Variants in GAB1 observed in about 807,000 individuals in gnomAD.
GAB1 encodes the protein GRB2 associated binding protein 1.
A neutral mutation model predicts 66.5 loss-of-function variants in GAB1; 19 were observed. The ratio of observed to expected loss-of-function variants is 0.29; its 90% CI spans 0.20 to 0.42. The LOEUF (loss-of-function observed/expected upper bound fraction) is 0.42, where lower values mean the gene tolerates loss of function less well. Among genes scored for constraint, GAB1 ranks in the 10% least tolerant of loss-of-function variants. The probability of loss-of-function intolerance (pLI) is 1.00; values close to 1 mark genes in which losing one functional copy is unlikely to be tolerated. For missense variants in GAB1, 732 were observed against 858.5 expected, an observed-to-expected ratio of 0.85 and a Z score of 1.84; for synonymous variants, 294 against 301.4, an observed-to-expected ratio of 0.98 and a Z score of 0.25.
chr4:143,402,762 A>T lies in GAB1; in HGVS notation c.73-12715A>T, dbSNP rs533147740. Reference sequence around the variant, plus strand: ...TGTAAAGTAAAATACTGAAATGTGAAATTCTGTGGTGAAATGTGGGATGTC... The same window carrying T: ...TGTAAAGTAAAATACTGAAATGTGATATTCTGTGGTGAAATGTGGGATGTC... On this transcript the variant is annotated intron_variant, in intron 1 of 9. Coordinates refer to ENST00000262994, the MANE Select transcript of GAB1 (RefSeq NM_002039.4). Among the ~76,000 whole-genome samples the T allele has an allele frequency of 1.1e-4, 16 of 152,348 alleles. No individual in the cohort carries two copies. The South Asian group carries it at 2.9e-3, about 28-fold the overall frequency.
At chr4:143,366,729 ATAT>A (rs1729895473) in intron 1 of GAB1, among the ~76,000 whole-genome samples, 1 of 152,064 alleles carries the variant, frequency 6.6e-6, no homozygotes, top group South Asian at 2.1e-4. Context: ...ACTACACTAA[ATAT>A]TATTATTTTG....
At chr4:143,385,405 A>G (rs1252382497) in intron 1 of GAB1, among the ~76,000 whole-genome samples, 1 of 152,248 alleles carries the variant, frequency 6.6e-6, no homozygotes, top group African/African-American at 2.4e-5. Context: ...CGAATATGCA[A>G]ATCTTTATGA....
Position 143,337,133 on chromosome 4 carries a change from G to C in GAB1, c.-56G>C, listed in dbSNP as rs1031959091. The C allele has an allele frequency of 6.7e-6, 10 of 1,491,762 alleles. No homozygotes were observed. The highest frequency in any genetic ancestry group is 2.8e-5 in the African/African-American group (2 of 71,452). The allele number at this position is 1,491,762 out of a possible 1,614,324, so 92.4% of individuals were successfully genotyped here. A position where few individuals can be genotyped will look rare whatever the true frequency, so the allele number is the denominator to read the frequency against. On this transcript the variant is annotated 5_prime_UTR_variant, in exon 1 of 10. Transcript: ENST00000262994. ...GCGCTCGGCAGGCGTCGGCTGTGTC[G>C]GGAGCGCGCCCGCCGCCCCTCAGCT...
At chr4:143,462,649 A>G (rs1735556014) in intron 8 of GAB1, among the ~76,000 whole-genome samples, 1 of 152,048 alleles carries the variant, frequency 6.6e-6, no homozygotes, top group African/African-American at 2.4e-5. Context: ...AATAAACACA[A>G]TGTGGTGAAT....
At position 143,457,127 on chromosome 4, in the gene GAB1, A is replaced by C. The variant is rs139711520; in HGVS notation, c.1586-2258A>C. On this transcript the variant is annotated intron_variant, in intron 6 of 9. Coordinates refer to ENST00000262994, the MANE Select transcript of GAB1 (RefSeq NM_002039.4). ...TTAGATTAGTAAATATAGTAGTGGCAACTTGCTTCTCTAGAAGAGTCTTGT... is the reference window on the plus strand; with the variant it reads ...TTAGATTAGTAAATATAGTAGTGGCCACTTGCTTCTCTAGAAGAGTCTTGT... Among the ~76,000 whole-genome samples the C allele has an allele frequency of 5.6e-3, 852 of 152,342 alleles. 10 individuals carry two copies. The highest frequency in any genetic ancestry group is 0.019 in the African/African-American group (800 of 41,578).
At chr4:143,338,866 G>A (rs1014194242) in intron 1 of GAB1, among the ~76,000 whole-genome samples, 1 of 152,200 alleles carries the variant, frequency 6.6e-6, no homozygotes. Context: ...GATAATATAG[G>A]TTTAATTCAT....
chr4:143,432,603 T>G (rs1733715408), intron 2 of GAB1, among the ~76,000 whole-genome samples: 1 of 151,634 alleles, frequency 6.6e-6, no homozygotes, highest in Admixed American at 6.6e-5. Context: ...AATAACAAAT[T>G]TTAAGAACAA....
chr4:143,363,980 G>A (rs936872139), intron 1 of GAB1, among the ~76,000 whole-genome samples: 2 of 152,038 alleles, frequency 1.3e-5, no homozygotes, highest in Non-Finnish European at 2.9e-5. Flanking sequence ...GGGCGGACAG[G>A]AGTTAAAGAC....
At chr4:143,405,417 C>T (rs2149705335) in intron 1 of GAB1, among the ~76,000 whole-genome samples, 1 of 152,276 alleles carries the variant, frequency 6.6e-6, no homozygotes, top group South Asian at 2.1e-4. Context: ...AAGTTAGTTT[C>T]ACTTTTTGTT....
chr4:143,341,495 T>C (rs2149640380), intron 1 of GAB1, among the ~76,000 whole-genome samples: 1 of 152,344 alleles, frequency 6.6e-6, no homozygotes, highest in East Asian at 1.9e-4. Context: ...ATAGCCCAGC[T>C]GTCAGCATTG....
intron 1 of GAB1, chr4:143,349,320 T>C: frequency 8.0e-7 from 1 of 1,244,444 alleles, no homozygotes; most frequent in Non-Finnish European, 1.1e-6. Flanking sequence ...GCATGGAGAC[T>C]CTGGTGTGGG....
At chr4:143,395,815 A>C in intron 1 of GAB1, 1 of 449,548 alleles carries the variant, frequency 2.2e-6, no homozygotes, top group South Asian at 1.6e-5. Context: ...ACCCTTTCTA[A>C]GGACTTGGGG....
chr4:143,399,902 G>A (rs1578656073), intron 1 of GAB1, among the ~76,000 whole-genome samples: 1 of 150,362 alleles, frequency 6.7e-6, no homozygotes, highest in Non-Finnish European at 1.5e-5. Context: ...CTTACGTGGA[G>A]CATTTGTTTA....
At chr4:143,383,709 T>TGAAAAATATTTC in intron 1 of GAB1, among the ~76,000 whole-genome samples, 1 of 152,226 alleles carries the variant, frequency 6.6e-6, no homozygotes, top group Non-Finnish European at 1.5e-5. Context: ...CCAAATATTT[T>TGAAAAATATTTC]TGAAAAATAT....
chr4:143,410,234 T>C (rs916026251), intron 1 of GAB1, among the ~76,000 whole-genome samples: 2 of 152,132 alleles, frequency 1.3e-5, no homozygotes, highest in African/African-American at 2.4e-5. Context: ...TTGGCAAGCA[T>C]CACACCAGGC....
At chr4:143,354,296 AT>A (rs28989202) in intron 1 of GAB1, among the ~76,000 whole-genome samples, 3,566 of 150,714 alleles carry the variant, frequency 0.024, 158 homozygotes, top group African/African-American at 0.082. Context: ...TTTTTTTCAG[AT>A]TTTTTTTTCT....
At chr4:143,382,110 A>C (rs1001727554) in intron 1 of GAB1, 1 of 151,806 alleles carries the variant, frequency 6.6e-6, no homozygotes, top group African/African-American at 2.4e-5. Flanking sequence ...TTTTTCTTTT[A>C]CTCTACAACC....
Position 143,469,069 on chromosome 4 carries a change from G to C in GAB1, c.1965G>C (p.Glu655Asp). The stretch of plus-strand genomic sequence containing the variant: ...GCTCAGGCAGCAGTGTAGCAGATGA[G>C]AGAGTGGATTATGTTGTTGTTGACC... ...SSGSGSSVAD[E>D]RVDYVVVDQQ... Residue 655 changes from glutamate to aspartate, a missense_variant, in exon 10 of 10, where the codon GAG becomes GAC. By Grantham distance (45) the Glu-to-Asp change is conservative. Around this residue, in one of 4 missense-constraint regions of GAB1, gnomAD observed 204 missense variants for 276.8 expected, o/e 0.74. Coordinates refer to ENST00000262994, the MANE Select transcript of GAB1 (RefSeq NM_002039.4). 6.2e-7 allele frequency: 1 copy of C among 1,614,188 alleles called. No individual in the cohort carries two copies. Among genetic ancestry groups the C allele is most frequent in the African/African-American group, 1.3e-5 (1 of 75,060 alleles).
chr4:143,415,283 A>G (rs1428939596), intron 1 of GAB1, among the ~76,000 whole-genome samples, 194 bp from the exon 2 acceptor site: 1 of 152,194 alleles, frequency 6.6e-6, no homozygotes, highest in African/African-American at 2.4e-5. Context: ...TACATTATTA[A>G]GTTAATTGAG....
Sources: gnomAD v4.1 joint callset for allele counts (sites outside exome capture counted in the v4.1 genomes callset) on GRCh38, gnomAD v4.1.1 for gene constraint, gnomAD v4.1.1 regional missense constraint, MANE v1.5 for transcripts, NCBI Gene and HGNC (gene_info 2026-07-23, HGNC 2026-07-21) for gene names.